Variants in ANKHD1 observed in about 807,000 individuals in gnomAD.
The protein encoded by ANKHD1 is ankyrin repeat and KH domain containing 1, also known as ankyrin repeat and KH domain-containing protein 1.
Under a neutral mutation model 230.5 loss-of-function variants are expected in ANKHD1, and 31 were observed. The ratio of observed to expected loss-of-function variants is 0.13; its 90% CI spans 0.10 to 0.18. The LOEUF (loss-of-function observed/expected upper bound fraction) is 0.18, where lower values mean the gene tolerates loss of function less well. ANKHD1 is among the 10% of genes least tolerant of loss of function. The pLI, the probability that ANKHD1 is intolerant of heterozygous loss-of-function variation, is 1.00. For missense variants in ANKHD1, 2,256 were observed against 3,071.3 expected, an observed-to-expected ratio of 0.73 and a Z score of 6.27; for synonymous variants, 1,074 against 1,117.6, an observed-to-expected ratio of 0.96 and a Z score of 0.78.
At chr5:140,519,439 T>C (rs1427482603) in intron 24 of ANKHD1, among the ~76,000 whole-genome samples, 2 of 152,176 alleles carry the variant, frequency 1.3e-5, no homozygotes, top group African/African-American at 2.4e-5. Flanking sequence ...TTAAAGTTCA[T>C]ATGGCACCAA....
intron 1 of ANKHD1, among the ~76,000 whole-genome samples, chr5:140,412,123 G>A (rs907333785): frequency 3.3e-5 from 5 of 152,016 alleles, no homozygotes; most frequent in Admixed American, 2.6e-4. Context: ...TGCAACCTCC[G>A]CCTCCTGGGT....
intron 7 of ANKHD1, among the ~76,000 whole-genome samples, chr5:140,450,297 ATT>A (rs5871736): frequency 2.0e-3 from 268 of 133,168 alleles, no homozygotes; most frequent in Admixed American, 2.1e-3. Flanking sequence ...ACCTCTATCT[ATT>A]TTTTTTTTTT....
At chr5:140,526,498 T>A in intron 26 of ANKHD1, 55 bp downstream of exon 26, 1 of 1,535,082 alleles carries the variant, frequency 6.5e-7, no homozygotes. Context: ...TCATGCCTGG[T>A]ACAAGAATTT....
At chr5:140,524,934 A>G in intron 25 of ANKHD1, 1 of 338,890 alleles carries the variant, frequency 3.0e-6, no homozygotes, top group South Asian at 2.2e-5. Flanking sequence ...CCCCGTCTCT[A>G]CTTAAAAAAA....
chr5:140,443,720 A>G (rs866796794), intron 5 of ANKHD1, among the ~76,000 whole-genome samples: 3 of 151,874 alleles, frequency 2.0e-5, no homozygotes, highest in Admixed American at 6.6e-5. Context: ...AAAAGAGGGT[A>G]CTGCCAACAA....
At chr5:140,468,049 ATTCT>A (rs1776220188) in intron 10 of ANKHD1, among the ~76,000 whole-genome samples, 1 of 92,792 alleles carries the variant, frequency 1.1e-5, no homozygotes, top group African/African-American at 4.7e-5. Context: ...AAGTGTACTA[ATTCT>A]TTTTTTTTTT....
intron 7 of ANKHD1, among the ~76,000 whole-genome samples, chr5:140,456,696 T>C (rs796823155): frequency 6.6e-6 from 1 of 151,730 alleles, no homozygotes; most frequent in African/African-American, 2.4e-5. Context: ...CCTTACACTT[T>C]ATAGAAAATT....
intron 13 of ANKHD1, among the ~76,000 whole-genome samples, chr5:140,486,317 G>A (rs1178475541): frequency 6.6e-6 from 1 of 152,008 alleles, no homozygotes; most frequent in East Asian, 1.9e-4. Flanking sequence ...TACCTGCCTC[G>A]GCCTCCCAAA....
chr5:140,525,896 G>GT, intron 25 of ANKHD1, 100 bp from the exon 26 acceptor site: 1 of 1,327,338 alleles, frequency 7.5e-7, no homozygotes, highest in Non-Finnish European at 1.0e-6. Context: ...AAAATATGAT[G>GT]TAAAACACTG....
At chr5:140,503,470 C>T (rs1454303657) in intron 15 of ANKHD1, among the ~76,000 whole-genome samples, 2 of 151,104 alleles carry the variant, frequency 1.3e-5, no homozygotes, top group Non-Finnish European at 2.9e-5. Context: ...TGTTTCCCCC[C>T]GTGGTCAAAC....
chr5:140,530,806 G>A (rs1248594433), intron 29 of ANKHD1, among the ~76,000 whole-genome samples: 9 of 152,196 alleles, frequency 5.9e-5, no homozygotes, highest in African/African-American at 1.7e-4. Context: ...TTCTCTTCCA[G>A]TTGGAAAACT....
intron 9 of ANKHD1, among the ~76,000 whole-genome samples, chr5:140,461,639 C>T (rs1440718140): frequency 4.6e-5 from 7 of 151,980 alleles, no homozygotes; most frequent in Non-Finnish European, 2.9e-5. Flanking sequence ...TGTACTTCTT[C>T]CACATCCCCA....
chr5:140,529,456 T>G lies in ANKHD1; in HGVS notation c.6510T>G (p.Pro2170=). The change falls in exon 29 of 34, where the codon CCT becomes CCG. Residue 2170 remains proline (P), a synonymous_variant. Coordinates refer to ENST00000360839, the MANE Select transcript of ANKHD1 (RefSeq NM_017747.3). ...FVTNPVTLTP[P]QGPPAAVQLS... is the part of the protein sequence containing the mutation. ...CGAATCCAGTTACTTTAACACCACC[T>G]CAAGGCCCACCAGCTGCAGTGCAGC... 1 of 1,614,174 alleles carries G rather than the reference T, an allele frequency of 6.2e-7. No individual in the cohort carries two copies. Among genetic ancestry groups the G allele is most frequent in the Non-Finnish European group, 8.5e-7 (1 of 1,180,022 alleles).
At chr5:140,497,484 A>C (rs865950851) in intron 15 of ANKHD1, among the ~76,000 whole-genome samples, 1 of 152,180 alleles carries the variant, frequency 6.6e-6, no homozygotes, top group Non-Finnish European at 1.5e-5. Context: ...CTTTTTTGTC[A>C]TATTGCAAAG....
Position 140,473,443 on chromosome 5 carries a change from T to A in ANKHD1, c.1782+8667T>A, listed in dbSNP as rs191286296. On this transcript the variant is annotated intron_variant, in intron 10 of 33. Coordinates refer to ENST00000360839, the MANE Select transcript of ANKHD1 (RefSeq NM_017747.3). ...TCTGTTGAGATTTTTAAAAATTTTT[T>A]AAATTTTTTTTTTTTGAGACAGGGT... Among the ~76,000 whole-genome samples the A allele has an allele frequency of 2.3e-3, 353 of 152,092 alleles. 1 individual carries two copies. The highest frequency in any genetic ancestry group is 7.9e-3 in the African/African-American group (328 of 41,502).
At chr5:140,441,506 T>C (rs905146959) in intron 5 of ANKHD1, among the ~76,000 whole-genome samples, 2 of 151,868 alleles carry the variant, frequency 1.3e-5, no homozygotes, top group African/African-American at 2.4e-5. Context: ...CTTTTTTTTT[T>C]CCCCCACAGT....
intron 1 of ANKHD1, among the ~76,000 whole-genome samples, chr5:140,422,267 C>T (rs1054944753): frequency 3.0e-4 from 46 of 152,044 alleles, no homozygotes; most frequent in African/African-American, 1.0e-3. Flanking sequence ...GGATTACAGG[C>T]GCCCACCACC....
At chr5:140,472,242 A>G in intron 10 of ANKHD1, 2 of 1,612,192 alleles carry the variant, frequency 1.2e-6, no homozygotes, top group South Asian at 2.2e-5. Context: ...TTCGCAGGAC[A>G]AGCAGGAGGA....
At chr5:140,469,339 CAAAAAAAA>C (rs1034952876) in intron 10 of ANKHD1, among the ~76,000 whole-genome samples, 2 of 87,608 alleles carry the variant, frequency 2.3e-5, no homozygotes, top group South Asian at 3.8e-4. Flanking sequence ...CTGTCTCTAC[CAAAAAAAA>C]AAAAAAAAAA....
Sources: gnomAD v4.1 joint callset for allele counts (sites outside exome capture counted in the v4.1 genomes callset) on GRCh38, gnomAD v4.1.1 for gene constraint, MANE v1.5 for transcripts, NCBI Gene and HGNC (gene_info 2026-07-23, HGNC 2026-07-21) for gene names.